CCDC92B: variants seen among roughly 807,000 people sequenced by gnomAD.
The protein encoded by CCDC92B is coiled-coil domain-containing 92B.
A neutral mutation model predicts 5.6 loss-of-function variants in CCDC92B; 2 were observed. The ratio of observed to expected loss-of-function variants is 0.36; its 90% CI spans 0.15 to 1.12. CCDC92B has a LOEUF of 1.12. Ranked by LOEUF, CCDC92B falls within the 50% of genes most tolerant of loss-of-function variation. The pLI is 0.40. For synonymous variants in CCDC92B, 115 were observed against 122.3 expected (o/e 0.94, Z 0.39); for missense variants, 271 against 262.2 (o/e 1.03, Z -0.23).
intron 1 of CCDC92B, among the ~76,000 whole-genome samples, chr17:2,744,229 G>A (rs1001178819): frequency 5.3e-5 from 8 of 150,804 alleles, no homozygotes; most frequent in South Asian, 2.1e-4. Context: ...GAGTTTCACT[G>A]TGTTGCCCAG....
chr17:2,741,493 A>G (rs896200080), intron 1 of CCDC92B, among the ~76,000 whole-genome samples: 1 of 127,040 alleles, frequency 7.9e-6, no homozygotes, highest in African/African-American at 3.5e-5. Flanking sequence ...CCTGGCCAAC[A>G]TGGCAAAATC....
rs1597231459 is a variant in CCDC92B at position 2,724,651 on chromosome 17, C to A, written c.528G>T (p.Pro176=). The A allele has an allele frequency of 4.1e-6, 4 of 981,464 alleles. No homozygotes were observed. The highest frequency in any genetic ancestry group is 4.8e-6 in the Non-Finnish European group (4 of 828,168). 60.8% of individuals were successfully genotyped at this position (981,464 alleles called of 1,614,324 possible). ...TGGCGGCGGCCTCGTGGGCAGCAGG[C>A]GGGCGGCGGGCTCGCAGTGCGCGGC... The part of the protein sequence containing the change: ...PRRRALRARR[P]PAAHEAAAKG... The change falls in exon 4 of 4, where the codon CCG becomes CCT. Residue 176 remains proline (P), a synonymous_variant. Transcript: ENST00000614400. The surrounding 1 kb of genome is among the most constrained non-coding windows in gnomAD (Gnocchi z 5.0).
chr17:2,740,208 T>C (rs2151744028), intron 1 of CCDC92B, among the ~76,000 whole-genome samples: 1 of 152,184 alleles, frequency 6.6e-6, no homozygotes, highest in South Asian at 2.1e-4. Context: ...GCAGCTGCTC[T>C]GCTCGAGTGT....
At chr17:2,732,918 C>T (rs939712531) in intron 2 of CCDC92B, among the ~76,000 whole-genome samples, 1 of 151,722 alleles carries the variant, frequency 6.6e-6, no homozygotes, top group Non-Finnish European at 1.5e-5. Context: ...GAGGCTGAGG[C>T]AGGAGAATGG....
In CCDC92B at chr17:2,724,730, C is replaced by A; in HGVS notation, c.449G>T (p.Arg150Ile). 1 of 984,156 alleles carries A rather than the reference C, an allele frequency of 1.0e-6. No individual in the cohort carries two copies. The highest frequency in any genetic ancestry group is 4.6e-5 in the South Asian group (1 of 21,854). The allele number at this position is 984,156 out of a possible 1,614,324, so 61.0% of individuals were successfully genotyped here. ...LSCQLHAARQ[R>I]LQAPRPGPGA... Reference sequence around the variant, plus strand: ...GGGGCCCGGGCGCGGGGCCTGCAGTCTCTGGCGCGCCGCGTGCAGCTGGCA... The same window carrying A: ...GGGGCCCGGGCGCGGGGCCTGCAGTATCTGGCGCGCCGCGTGCAGCTGGCA... Residue 150 changes from arginine (R) to isoleucine (I), a missense_variant, in exon 4 of 4, where the codon AGA (arginine) becomes ATA (isoleucine). Physicochemically the swap from Arg to Ile is moderately conservative, Grantham distance 97. Transcript: ENST00000614400. This position sits in a 1 kb window ranked among gnomAD's most constrained non-coding sequence, Gnocchi z 5.0.
At chr17:2,748,304 A>C in intron 1 of CCDC92B, 1 of 1,204,378 alleles carries the variant, frequency 8.3e-7, no homozygotes, top group Non-Finnish European at 1.1e-6. Context: ...TGTGACTTTT[A>C]CCATGAAGCC....
In CCDC92B at chr17:2,724,935, C is replaced by T. The variant is rs1258791472; in HGVS notation, c.244G>A (p.Ala82Thr). 1.0e-6 allele frequency: 1 copy of T among 985,514 alleles called. No individual in the cohort carries two copies. Among genetic ancestry groups the T allele is most frequent in the East Asian group, 1.1e-4 (1 of 8,804 alleles). The allele number at this position is 985,514 out of a possible 1,614,324, so 61.0% of individuals were successfully genotyped here. ...ALESQLEARA[A>T]ANAELRREVA... Reference sequence around the variant, plus strand: ...TCCCGCCGCAGCTCCGCGTTGGCCGCAGCACGCGCCTCCAGCTGCGACTCC... The same window carrying T: ...TCCCGCCGCAGCTCCGCGTTGGCCGTAGCACGCGCCTCCAGCTGCGACTCC... Residue 82 changes from alanine (A) to threonine (T), a missense_variant, in exon 4 of 4, where the codon GCG (alanine) becomes ACG (threonine). By Grantham distance (58) the Ala-to-Thr change is moderately conservative (BLOSUM62 0). Coordinates refer to ENST00000614400, the MANE Select transcript of CCDC92B (RefSeq NM_001355573.2). This position sits in a 1 kb window ranked among gnomAD's most constrained non-coding sequence, Gnocchi z 5.0.
intron 1 of CCDC92B, among the ~76,000 whole-genome samples, chr17:2,743,583 T>A (rs1021248446): frequency 6.6e-6 from 1 of 152,244 alleles, no homozygotes; most frequent in African/African-American, 2.4e-5. Flanking sequence ...CTCATCCTGC[T>A]GGTTCCACCC....
At chr17:2,744,873 A>T (rs1413364293) in intron 1 of CCDC92B, among the ~76,000 whole-genome samples, 1 of 151,892 alleles carries the variant, frequency 6.6e-6, no homozygotes, top group Non-Finnish European at 1.5e-5. Context: ...CCAGCCTGGA[A>T]AACATGGTGA....
chr17:2,738,038 C>T (rs1480735981), intron 1 of CCDC92B, among the ~76,000 whole-genome samples: 4 of 151,770 alleles, frequency 2.6e-5, no homozygotes, highest in Admixed American at 1.3e-4. Flanking sequence ...AATATTTACA[C>T]GAATATTTAC....
intron 3 of CCDC92B, 75 bp from the exon 4 acceptor site, chr17:2,725,075 T>G (rs2151736279): frequency 1.0e-6 from 1 of 983,778 alleles, no homozygotes; most frequent in Admixed American, 6.2e-5. Flanking sequence ...CAGAGCTCCG[T>G]GTAACAAAAC....
intron 1 of CCDC92B, among the ~76,000 whole-genome samples, chr17:2,745,559 T>C (rs563904434): frequency 3.9e-5 from 6 of 152,194 alleles, no homozygotes; most frequent in African/African-American, 7.2e-5. Flanking sequence ...GACGTTATTG[T>C]TTAGTTTGTT....
intron 1 of CCDC92B, among the ~76,000 whole-genome samples, chr17:2,739,130 G>A (rs184424335): frequency 0.012 from 1,807 of 151,660 alleles, 111 homozygotes; most frequent in Admixed American, 0.1. Flanking sequence ...CACTTTGGGA[G>A]GCCAAGGTGG....
chr17:2,726,292 C>T (rs1198039895), intron 3 of CCDC92B, among the ~76,000 whole-genome samples: 1 of 151,682 alleles, frequency 6.6e-6, no homozygotes, highest in East Asian at 1.9e-4. Context: ...ATTCTCCTGC[C>T]TCAGCCTCCT....
rs60179555 is a variant in CCDC92B, at chr17:2,745,066, C to CAA, written c.-24+4343_-24+4344dup. ...GGTGACAGACAGTGAGACCCTGTCT[C>CAA]AAAAAAAAAAAAAAAAAAAAAAAAG... On this transcript the variant is annotated intron_variant, in intron 1 of 3. Coordinates refer to ENST00000614400, the MANE Select transcript of CCDC92B (RefSeq NM_001355573.2). 5.1e-3 allele frequency among the ~76,000 whole-genome samples: 404 copies of CAA among 79,024 alleles called. 7 individuals carry two copies. Among genetic ancestry groups the CAA allele is most frequent in the Middle Eastern group, 9.4e-3 (1 of 106 alleles). The allele number at this position is 79,024 out of a possible 152,430, so 51.8% of individuals were successfully genotyped here. A position where few individuals can be genotyped will look rare whatever the true frequency, so the allele number is the denominator to read the frequency against.
At chr17:2,725,332 G>A (rs977604399) in intron 3 of CCDC92B, among the ~76,000 whole-genome samples, 1 of 151,866 alleles carries the variant, frequency 6.6e-6, no homozygotes, top group African/African-American at 2.4e-5. Flanking sequence ...GCAGTGAGCC[G>A]AGATCACGCC....
chr17:2,748,090 A>G (rs750976445), intron 1 of CCDC92B: 11 of 528,474 alleles, frequency 2.1e-5, no homozygotes, highest in African/African-American at 1.9e-4. Flanking sequence ...GCTTCTCATA[A>G]GAGAATCCCA....
Position 2,721,515 on chromosome 17 carries a change from T to A in CCDC92B, c.*2896A>T, listed in dbSNP as rs1007057330. The stretch of plus-strand genomic sequence containing the variant: ...CCAGACCCAGGGAGGGTGGGGCCTC[T>A]CCAGGGCCCTGAGGCTGAGGAGAGT... On this transcript the variant is annotated 3_prime_UTR_variant, in exon 4 of 4. Coordinates refer to ENST00000614400, the MANE Select transcript of CCDC92B (RefSeq NM_001355573.2). 1 of 152,262 alleles carries A rather than the reference T, an allele frequency of 6.6e-6. No homozygotes were observed. Among genetic ancestry groups the A allele is most frequent in the African/African-American group, 2.4e-5 (1 of 41,430 alleles). 9.4% of individuals were successfully genotyped at this position (152,262 alleles called of 1,614,324 possible). A position where few individuals can be genotyped will look rare whatever the true frequency, so the allele number is the denominator to read the frequency against.
rs79836186 is a variant in CCDC92B, at chr17:2,722,019, G to C, written c.*2392C>G. ...CTATAGAGCTGGGGGGAGGCCAGGC[G>C]GACGGAGCTATGGCTTTTAGTGGGT... On this transcript the variant is annotated 3_prime_UTR_variant, in exon 4 of 4. Coordinates refer to ENST00000614400, the MANE Select transcript of CCDC92B (RefSeq NM_001355573.2). 1.3e-5 allele frequency: 2 copies of C among 152,104 alleles called. No homozygotes were observed. The highest frequency in any genetic ancestry group is 3.9e-4 in the East Asian group (2 of 5,166). The allele number at this position is 152,104 out of a possible 1,614,324, so 9.4% of individuals were successfully genotyped here.
Sources: gnomAD v4.1 joint callset for allele counts (sites outside exome capture counted in the v4.1 genomes callset) on GRCh38, gnomAD v4.1.1 for gene constraint, Gnocchi (gnomAD v3.1) non-coding constraint, MANE v1.5 for transcripts, NCBI Gene and HGNC (gene_info 2026-07-23, HGNC 2026-07-21) for gene names.